Variants in RIC3 observed in about 807,000 individuals in gnomAD.
The protein encoded by RIC3 is RIC3 acetylcholine receptor chaperone, also known as protein RIC-3.
In RIC3, 28 loss-of-function variants were observed where a neutral mutation model predicts 27.3. The observed-to-expected ratio is 1.02, with a 90% confidence interval of 0.76 to 1.41. RIC3 has a LOEUF of 1.41. Ranked by LOEUF, RIC3 falls within the 40% of genes most tolerant of loss-of-function variation. The pLI is 0.00. For missense variants in RIC3, 501 were observed against 444.7 expected (o/e 1.13, Z -1.14); for synonymous variants, 184 against 160.4 (o/e 1.15, Z -1.11).
At position 8,109,647 on chromosome 11, in the gene RIC3, A is replaced by G. The variant is rs1945027773; in HGVS notation, c.*1051T>C. ...CACTTTGTATACAAGATCAGTCCTC[A>G]TTTGTTTCAATTTATGGTTCTGAGA... On this transcript the variant is annotated 3_prime_UTR_variant, in exon 6 of 6. Coordinates refer to ENST00000309737, the MANE Select transcript of RIC3 (RefSeq NM_001206671.4). The G allele has an allele frequency of 6.6e-6, 1 of 152,156 alleles. No homozygotes were observed. The highest frequency in any genetic ancestry group is 1.5e-5 in the Non-Finnish European group (1 of 68,032). 9.4% of individuals were successfully genotyped at this position (152,156 alleles called of 1,614,324 possible).
rs1469873685 is a variant in RIC3 at position 8,112,146 on chromosome 11, A to T, written c.671-1009T>A. Among the ~76,000 whole-genome samples the T allele has an allele frequency of 2.0e-5, 3 of 152,188 alleles. No individual in the cohort carries two copies. The East Asian group carries it at 5.8e-4, about 29-fold the overall frequency. The stretch of plus-strand genomic sequence containing the variant: ...CTGACTATAAAAATCATACAGACTC[A>T]TTTGTAGAAAATTTGAAAAAAATAC... On this transcript the variant is annotated intron_variant, in intron 5 of 5. Coordinates refer to ENST00000309737, the MANE Select transcript of RIC3 (RefSeq NM_001206671.4).
chr11:8,102,012 C>A (rs748109054), downstream of RIC3: 7 of 213,020 alleles, frequency 3.3e-5, no homozygotes, highest in Non-Finnish European at 5.6e-5. Context: ...TCCGCTCAGC[C>A]AAGGAGTCAG....
chr11:8,114,177 A>C (rs1464468151), intron 5 of RIC3, among the ~76,000 whole-genome samples: 1 of 152,194 alleles, frequency 6.6e-6, no homozygotes, highest in East Asian at 1.9e-4. Context: ...AGAATGCAAA[A>C]ACCATTCACC....
At chr11:8,157,340 C>T (rs1175309763) in intron 1 of RIC3, among the ~76,000 whole-genome samples, 1 of 152,204 alleles carries the variant, frequency 6.6e-6, no homozygotes, top group African/African-American at 2.4e-5. Flanking sequence ...CTAGAATTTG[C>T]CTTACTTCCT....
chr11:8,111,045 C>A lies in RIC3; in HGVS notation c.763G>T (p.Glu255Ter), dbSNP rs565307482. The A allele has an allele frequency of 1.9e-5, 31 of 1,614,126 alleles. 1 individual carries two copies. The South Asian group carries it at 3.1e-4, about 16-fold the overall frequency. Residue 255 changes from glutamate to a stop codon, truncating the protein, a stop_gained, in exon 6 of 6, where the codon GAA becomes TAA. Transcript: ENST00000309737. LOFTEE classifies it low-confidence loss of function (END_TRUNC). ...TILVDYPDPK[E>*]LSAEEIAERM... ...TCAGCTATTTCTTCAGCAGAAAGTT[C>A]TTTTGGGTCAGGGTAATCCACCAAG...
intron 4 of RIC3, among the ~76,000 whole-genome samples, chr11:8,130,984 T>C (rs1366999773): frequency 6.6e-6 from 1 of 152,090 alleles, no homozygotes; most frequent in Non-Finnish European, 1.5e-5. Context: ...AAAAGGGACC[T>C]GTTGAAGGAT....
At chr11:8,112,094 G>C (rs1590062247) in intron 5 of RIC3, among the ~76,000 whole-genome samples, 1 of 152,092 alleles carries the variant, frequency 6.6e-6, no homozygotes, top group East Asian at 1.9e-4. Context: ...GGTGTGTGTG[G>C]AGACATTTCT....
At chr11:8,140,316 T>A in intron 1 of RIC3, 123 bp from the exon 2 acceptor site, 1 of 847,928 alleles carries the variant, frequency 1.2e-6, no homozygotes. Context: ...AAATGGCAAC[T>A]TAATTAAAAG....
At chr11:8,119,980 C>T (rs1031321822) in intron 5 of RIC3, among the ~76,000 whole-genome samples, 2 of 152,184 alleles carry the variant, frequency 1.3e-5, no homozygotes, top group African/African-American at 2.4e-5. Flanking sequence ...CAAATCAAAA[C>T]CACAATGAGA....
intron 4 of RIC3, 158 bp from the exon 5 acceptor site, chr11:8,126,965 GA>G (rs1947065091): frequency 7.3e-6 from 6 of 817,272 alleles, no homozygotes; most frequent in Non-Finnish European, 8.0e-6. Flanking sequence ...CTGGGAACTA[GA>G]GATGTTAGTT....
At chr11:8,117,729 T>C (rs1946009373) in intron 5 of RIC3, among the ~76,000 whole-genome samples, 1 of 152,184 alleles carries the variant, frequency 6.6e-6, no homozygotes, top group African/African-American at 2.4e-5. Flanking sequence ...GTATGTGAGG[T>C]AATGTGTATG....
Position 8,168,894 on chromosome 11 carries a change from C to G in RIC3, c.96G>C (p.Lys32Asn). 6.2e-7 allele frequency: 1 copy of G among 1,611,526 alleles called. No homozygotes were observed. The highest frequency in any genetic ancestry group is 1.1e-5 in the South Asian group (1 of 90,966). Reference protein sequence around the residue: ...LLPKAFLSRGKRQEPPPTPEG... With the variant: ...LLPKAFLSRGNRQEPPPTPEG... ...CAGGTGTCGGCGGCGGCTCCTGCCG[C>G]TTCCCGCGGGACAGGAAGGCCTTGG... Residue 32 changes from lysine (K) to asparagine (N), a missense_variant, in exon 1 of 6, where the codon AAG (lysine) becomes AAC (asparagine). Physicochemically the swap from Lys to Asn is moderately conservative, Grantham distance 94. Coordinates refer to ENST00000309737, the MANE Select transcript of RIC3 (RefSeq NM_001206671.4).
intron 4 of RIC3, among the ~76,000 whole-genome samples, chr11:8,127,764 G>A (rs1947167264): frequency 6.6e-6 from 1 of 152,066 alleles, no homozygotes; most frequent in Non-Finnish European, 1.5e-5. Context: ...CACTTACAAA[G>A]GAAAAATGAT....
intron 1 of RIC3, among the ~76,000 whole-genome samples, chr11:8,144,587 G>T (rs1339649958): frequency 6.6e-6 from 1 of 151,618 alleles, no homozygotes; most frequent in East Asian, 1.9e-4. Flanking sequence ...TGGTGGGACT[G>T]TAAACTAGTT....
chr11:8,123,247 T>C (rs549722675), intron 5 of RIC3, among the ~76,000 whole-genome samples: 1 of 150,822 alleles, frequency 6.6e-6, no homozygotes, highest in African/African-American at 2.4e-5. Context: ...CAAACATATA[T>C]GCAACTGGAG....
At chr11:8,152,570 G>A (rs1464517945) in intron 1 of RIC3, among the ~76,000 whole-genome samples, 2 of 152,172 alleles carry the variant, frequency 1.3e-5, no homozygotes, top group Non-Finnish European at 2.9e-5. Context: ...GGTTTGGAGG[G>A]GTGCAGAGGA....
chr11:8,097,877 G>T, the RIC3 span: 31 of 1,430,414 alleles, frequency 2.2e-5, no homozygotes, highest in Admixed American at 5.0e-4. Flanking sequence ...AGGGGCAGGG[G>T]CAAGCTGTCT....
intron 4 of RIC3, among the ~76,000 whole-genome samples, chr11:8,136,723 G>GA (rs1200282200): frequency 2.6e-5 from 4 of 152,148 alleles, no homozygotes; most frequent in Non-Finnish European, 4.4e-5. Context: ...GTCTCAAGTA[G>GA]AAAGCATCAT....
the RIC3 span, chr11:8,099,008 G>T: frequency 1.4e-6 from 1 of 718,868 alleles, no homozygotes; most frequent in Non-Finnish European, 2.5e-6. Context: ...GTCCTCTGTG[G>T]AGTGTTCCTG....
Sources: gnomAD v4.1 joint callset for allele counts (sites outside exome capture counted in the v4.1 genomes callset) on GRCh38, gnomAD v4.1.1 for gene constraint, MANE v1.5 for transcripts, NCBI Gene and HGNC (gene_info 2026-07-23, HGNC 2026-07-21) for gene names.